C20orf203: variants seen among roughly 807,000 people sequenced by gnomAD.
C20orf203 encodes the protein uncharacterized protein C20orf203.
In C20orf203, 16 loss-of-function variants were observed where a neutral mutation model predicts 15.9. The ratio of observed to expected loss-of-function variants is 1.01; its 90% CI spans 0.68 to 1.53. C20orf203 has a LOEUF of 1.53. Among genes scored for constraint, C20orf203 ranks in the 40% most tolerant of loss-of-function variants. The pLI is 0.00. For missense variants in C20orf203, 263 were observed against 247.5 expected, an observed-to-expected ratio of 1.06 and a Z score of -0.42; for synonymous variants, 98 against 97.2, an observed-to-expected ratio of 1.01 and a Z score of -0.05.
chr20:32,657,673 CTG>C (rs1173302261), intron 1 of C20orf203: 2 of 151,672 alleles, frequency 1.3e-5, no homozygotes, highest in African/African-American at 4.8e-5. Flanking sequence ...AAAAATAAGC[CTG>C]TAGGCTGGGC....
rs144654121 is a variant in C20orf203 at position 32,665,387 on chromosome 20, G to C, written c.-264+8245C>G. Among the ~76,000 whole-genome samples the C allele has an allele frequency of 4.4e-4, 67 of 152,312 alleles. 2 individuals are homozygous for C. The highest frequency in any genetic ancestry group is 1.6e-3 in the African/African-American group (65 of 41,574). ...AACCAGGTGCCAGACCAAGAGCAGA[G>C]AGCCTGTGCTCAGGAGCCTCCACTC... On this transcript the variant is annotated intron_variant, in intron 1 of 5. Transcript: ENST00000608990.
intron 5 of C20orf203, among the ~76,000 whole-genome samples, chr20:32,638,256 TTC>T (rs1982191924): frequency 6.6e-6 from 1 of 152,242 alleles, no homozygotes; most frequent in Non-Finnish European, 1.5e-5. Context: ...CCAAGCACTG[TTC>T]TGTGTGCTTC....
chr20:32,669,524 C>A (rs979654149), intron 1 of C20orf203, among the ~76,000 whole-genome samples: 1 of 152,126 alleles, frequency 6.6e-6, no homozygotes, highest in African/African-American at 2.4e-5. Flanking sequence ...CTCTGGGGAA[C>A]CTGCAAAGGA....
intron 1 of C20orf203, among the ~76,000 whole-genome samples, chr20:32,661,680 C>T (rs1600939073): frequency 6.6e-6 from 1 of 152,102 alleles, no homozygotes; most frequent in East Asian, 1.9e-4. Flanking sequence ...AATCAGGGCC[C>T]TGAGAGGCCA....
At chr20:32,648,428 CTTTTTTTTTTT>C (rs56838832) in intron 4 of C20orf203, among the ~76,000 whole-genome samples, 47 of 80,388 alleles carry the variant, frequency 5.8e-4, no homozygotes, top group East Asian at 8.3e-4. Context: ...CTGAAACTGT[CTTTTTTTTTTT>C]TTTTTTTTTT....
At chr20:32,654,484 C>A (rs1247525514) in intron 1 of C20orf203, among the ~76,000 whole-genome samples, 1 of 152,166 alleles carries the variant, frequency 6.6e-6, no homozygotes, top group East Asian at 1.9e-4. Context: ...CAGAAATTGA[C>A]AAGCTGATCC....
Position 32,647,430 on chromosome 20 carries a change from TTGG to T in C20orf203, c.*1177+1822_*1177+1824del, listed in dbSNP as rs1389633920. On this transcript the variant is annotated intron_variant, in intron 4 of 5. Transcript: ENST00000608990. ...AAAAAAAGAAGAACTAGGGTTTGGC[TTGG>T]TGGCTCATGCCTGTAATCCCAGCAC... Among the ~76,000 whole-genome samples the T allele has an allele frequency of 6.4e-5, 9 of 140,978 alleles. No homozygotes were observed. In the South Asian group the frequency reaches 2.0e-3, roughly 32 times the overall value. The allele number at this position is 140,978 out of a possible 152,430, so 92.5% of individuals were successfully genotyped here.
intron 1 of C20orf203, among the ~76,000 whole-genome samples, chr20:32,669,006 A>T (rs904404435): frequency 2.0e-5 from 3 of 152,314 alleles, no homozygotes; most frequent in Admixed American, 6.5e-5. Flanking sequence ...GAAGTTTTCC[A>T]GTTCAGAAGG....
rs1375704049 is a variant in C20orf203 at position 32,633,794 on chromosome 20, C to T, written c.*1776G>A. ...AGTCGCCCTGACAGCCCCCTCACCG[C>T]GTTGCACTACCTGGTCCCCTGGTCC... On this transcript the variant is annotated 3_prime_UTR_variant, in exon 6 of 6. Transcript: ENST00000608990. 3 of 374,748 alleles carry T rather than the reference C, an allele frequency of 8.0e-6. No individual in the cohort carries two copies. Among genetic ancestry groups the T allele is most frequent in the African/African-American group, 2.1e-5 (1 of 48,216 alleles). 23.2% of individuals were successfully genotyped at this position (374,748 alleles called of 1,614,324 possible).
intron 5 of C20orf203, among the ~76,000 whole-genome samples, chr20:32,634,607 C>T (rs180729476): frequency 1.9e-3 from 296 of 152,202 alleles, no homozygotes; most frequent in African/African-American, 6.5e-3. Flanking sequence ...TCACAGAAAA[C>T]GAGTGAAACA....
At chr20:32,634,415 C>G (rs1982082962) in intron 5 of C20orf203, 145 bp from the exon 6 acceptor site, 1 of 394,146 alleles carries the variant, frequency 2.5e-6, no homozygotes. Flanking sequence ...AAGCTGTCCT[C>G]AGGTGTGGAC....
Position 32,650,880 on chromosome 20 carries a change from G to T in C20orf203, c.137C>A (p.Ala46Asp). ...PFTKTGMLSRATSVLAGLTAH... is the reference protein window; with the variant it reads ...PFTKTGMLSRDTSVLAGLTAH... ...AGTGAGTCCAGCCAAGACTGATGTG[G>T]CCTGTTGGGAACAAGGCCCCCAAGA... is the stretch of plus-strand genomic sequence containing the variant. The change falls in exon 4 of 6, where the codon GCC (alanine) becomes GAC (aspartate). Residue 46 changes from alanine (A) to aspartate (D), a missense_variant and splice_region_variant. Coordinates refer to ENST00000608990, the MANE Select transcript of C20orf203 (RefSeq NM_182584.4). 1.4e-6 allele frequency: 2 copies of T among 1,450,166 alleles called. No homozygotes were observed. The highest frequency in any genetic ancestry group is 1.8e-6 in the Non-Finnish European group (2 of 1,099,064). The allele number at this position is 1,450,166 out of a possible 1,614,324, so 89.8% of individuals were successfully genotyped here. A position where few individuals can be genotyped will look rare whatever the true frequency, so the allele number is the denominator to read the frequency against.
chr20:32,633,893 T>G lies in C20orf203; in HGVS notation c.*1677A>C, dbSNP rs1982068043. 1 of 397,096 alleles carries G rather than the reference T, an allele frequency of 2.5e-6. No individual in the cohort carries two copies. The highest frequency in any genetic ancestry group is 4.4e-6 in the Non-Finnish European group (1 of 225,724). 24.6% of individuals were successfully genotyped at this position (397,096 alleles called of 1,614,324 possible). On this transcript the variant is annotated 3_prime_UTR_variant, in exon 6 of 6. Transcript: ENST00000608990. ...GACTTGGGGCCCCTGCTCTGAACCT[T>G]CCACCCCGTCCGCCTGGACTGGATG...
At chr20:32,668,550 C>T (rs987353016) in intron 1 of C20orf203, among the ~76,000 whole-genome samples, 1 of 151,610 alleles carries the variant, frequency 6.6e-6, no homozygotes, top group African/African-American at 2.4e-5. Context: ...CGCTTGAACC[C>T]GGGAGGTGGA....
rs1982019334 is a variant in C20orf203, at chr20:32,632,336, G to C, written c.*3234C>G. ...AACTTTGGCCTTTAAATCTCGTTCA[G>C]TGAGTTCTTTTTGACACATGGAAGC... On this transcript the variant is annotated 3_prime_UTR_variant, in exon 6 of 6. Coordinates refer to ENST00000608990, the MANE Select transcript of C20orf203 (RefSeq NM_182584.4). 1 of 152,236 alleles carries C rather than the reference G, an allele frequency of 6.6e-6. No individual in the cohort carries two copies. The highest frequency in any genetic ancestry group is 2.4e-5 in the African/African-American group (1 of 41,448). The allele number at this position is 152,236 out of a possible 1,614,324, so 9.4% of individuals were successfully genotyped here. A position where few individuals can be genotyped will look rare whatever the true frequency, so the allele number is the denominator to read the frequency against.
At position 32,670,634 on chromosome 20, in the gene C20orf203, C is replaced by T. The variant is rs561531867; in HGVS notation, c.-264+2998G>A. Among the ~76,000 whole-genome samples the T allele has an allele frequency of 3.3e-5, 5 of 152,238 alleles. No homozygotes were observed. In the South Asian group the frequency reaches 8.3e-4, roughly 25 times the overall value. On this transcript the variant is annotated intron_variant, in intron 1 of 5. Coordinates refer to ENST00000608990, the MANE Select transcript of C20orf203 (RefSeq NM_182584.4). ...GGATCACGAGGTCAGGAGTTTAAGA[C>T]CAGCCTGGTCAACATAGTGAAACCC...
At chr20:32,635,074 C>A (rs537836731) in intron 5 of C20orf203, among the ~76,000 whole-genome samples, 27 of 152,212 alleles carry the variant, frequency 1.8e-4, no homozygotes, top group African/African-American at 6.5e-4. Flanking sequence ...GTGGTGCATG[C>A]CTGTAATCCC....
intron 5 of C20orf203, among the ~76,000 whole-genome samples, chr20:32,637,960 G>A (rs185226033): frequency 2.4e-4 from 36 of 151,862 alleles, no homozygotes; most frequent in Middle Eastern, 3.4e-3. Flanking sequence ...GTGTGTGTGC[G>A]CCCATGTGTC....
chr20:32,651,372 G>T (rs1600933595), intron 2 of C20orf203, among the ~76,000 whole-genome samples: 1 of 151,794 alleles, frequency 6.6e-6, no homozygotes, highest in African/African-American at 2.4e-5. Context: ...AAAGAAACGA[G>T]AAAATTGGAG....
Sources: allele counts gnomAD v4.1 joint callset (sites outside exome capture counted in the v4.1 genomes callset), GRCh38; gene constraint gnomAD v4.1.1; transcripts MANE v1.5; gene names NCBI Gene and HGNC (gene_info 2026-07-23, HGNC 2026-07-21).